COL4A4: variants seen among roughly 807,000 people sequenced by gnomAD.
The protein encoded by COL4A4 is collagen type IV alpha 4 chain.
A neutral mutation model predicts 192.9 loss-of-function variants in COL4A4; 105 were observed. The observed-to-expected ratio is 0.54, with a 90% CI of 0.46 to 0.64. The LOEUF (loss-of-function observed/expected upper bound fraction) is 0.64. Among genes scored for constraint, COL4A4 ranks in the 30% least tolerant of loss-of-function variants. The pLI, the probability that COL4A4 is intolerant of heterozygous loss-of-function variation, is 0.00. For missense variants in COL4A4, 1,967 were observed against 2,169.3 expected, an observed-to-expected ratio of 0.91 and a Z score of 1.85; for synonymous variants, 762 against 769.9, an observed-to-expected ratio of 0.99 and a Z score of 0.17.
intron 35 of COL4A4, among the ~76,000 whole-genome samples, chr2:227,045,821 T>C (rs1188276237): frequency 5.9e-5 from 3 of 51,240 alleles, no homozygotes; most frequent in South Asian, 8.4e-4. Context: ...TATATACACA[T>C]ATATATATAT....
chr2:227,133,023 G>A (rs953740153), intron 4 of COL4A4, among the ~76,000 whole-genome samples: 1 of 152,144 alleles, frequency 6.6e-6, no homozygotes, highest in African/African-American at 2.4e-5. Context: ...CCCCCAAACT[G>A]TGCCCTGCTT....
intron 37 of COL4A4, among the ~76,000 whole-genome samples, chr2:227,036,997 A>G (rs1440849009): frequency 6.6e-6 from 1 of 152,104 alleles, no homozygotes; most frequent in Non-Finnish European, 1.5e-5. Context: ...GGTTTTCATT[A>G]TTTCAATCTT....
chr2:227,092,833 GGTT>G, intron 20 of COL4A4, among the ~76,000 whole-genome samples: 1 of 152,144 alleles, frequency 6.6e-6, no homozygotes, highest in Non-Finnish European at 1.5e-5. Context: ...TCGGGTGAGG[GGTT>G]GGTGAAAGAA....
chr2:226,974,084 G>A, the COL4A4 span, among the ~76,000 whole-genome samples: 37 of 152,052 alleles, frequency 2.4e-4, no homozygotes, highest in Non-Finnish European at 4.7e-4. Context: ...TCTCACCTGC[G>A]ATTCCTTTTT....
intron 7 of COL4A4, among the ~76,000 whole-genome samples, chr2:227,117,049 A>G (rs1009608670): frequency 3.3e-5 from 5 of 152,228 alleles, no homozygotes; most frequent in African/African-American, 1.2e-4. Context: ...CAAAGTTTCT[A>G]ATGTTTTAAC....
intron 1 of COL4A4, among the ~76,000 whole-genome samples, chr2:227,163,566 C>T (rs1290515100): frequency 2.7e-4 from 41 of 152,232 alleles, no homozygotes; most frequent in Admixed American, 2.7e-3. Context: ...CAGGAAACGG[C>T]GAGAGCCGGC....
chr2:226,997,700 A>T, the COL4A4 span: 6 of 152,234 alleles, frequency 3.9e-5, no homozygotes, highest in Non-Finnish European at 8.8e-5. Context: ...ATACAAAGAC[A>T]CGGGATTAGA....
the COL4A4 span, among the ~76,000 whole-genome samples, chr2:226,990,987 C>T: frequency 6.6e-6 from 1 of 152,214 alleles, no homozygotes; most frequent in Non-Finnish European, 1.5e-5. Flanking sequence ...CACTCCAGCT[C>T]TGTCAGTCAC....
chr2:226,974,739 G>A, the COL4A4 span, among the ~76,000 whole-genome samples: 1 of 152,202 alleles, frequency 6.6e-6, no homozygotes, highest in Non-Finnish European at 1.5e-5. Flanking sequence ...GCACCCAAGA[G>A]CAGGGTGGAT....
chr2:227,108,101 C>T (rs765181829), intron 12 of COL4A4, among the ~76,000 whole-genome samples: 74 of 152,028 alleles, frequency 4.9e-4, no homozygotes, highest in Non-Finnish European at 1.9e-4. Flanking sequence ...TTTTACATGT[C>T]GGCCAAAAGG....
In COL4A4 at chr2:227,080,524, A is replaced by G. The variant is rs1415380548; in HGVS notation, c.1722T>C (p.Asp574=). ...VKGHKGERGP[D]GPPGFPGQPG... ...GCTGCCCTGGAAATCCTGGGGGCCC[A>G]TCAGGACCTCTTTCTCCTTTGTGCC... The change falls in exon 24 of 48, where the codon GAT becomes GAC. Residue 574 remains aspartate, a synonymous_variant. Coordinates refer to ENST00000396625, the MANE Select transcript of COL4A4 (RefSeq NM_000092.5). 9.3e-6 allele frequency: 15 copies of G among 1,614,018 alleles called. No homozygotes were observed. Among genetic ancestry groups the G allele is most frequent in the Non-Finnish European group, 1.1e-5 (13 of 1,180,028 alleles).
At chr2:227,149,170 A>G (rs1484946838) in intron 1 of COL4A4, among the ~76,000 whole-genome samples, 2 of 152,082 alleles carry the variant, frequency 1.3e-5, no homozygotes, top group Non-Finnish European at 2.9e-5. Context: ...TTAAACTTCT[A>G]GGTAAAAGCT....
At chr2:227,160,751 G>A (rs2064762470) in intron 1 of COL4A4, among the ~76,000 whole-genome samples, 1 of 152,156 alleles carries the variant, frequency 6.6e-6, no homozygotes, top group South Asian at 2.1e-4. Context: ...AAAGCCTGCA[G>A]GACAGAAAAC....
At position 227,088,830 on chromosome 2, in the gene COL4A4, C is replaced by T. The variant is rs746256589; in HGVS notation, c.1460-14G>A. On this transcript the variant is annotated splice_polypyrimidine_tract_variant and intron_variant, in intron 21 of 47. Coordinates refer to ENST00000396625, the MANE Select transcript of COL4A4 (RefSeq NM_000092.5). ...GTCCTTCATTTCCTAGACAGAGGAT[C>T]AATGGCAGATTTGTCATATTTCCTG... 4.3e-6 allele frequency: 7 copies of T among 1,613,828 alleles called. No homozygotes were observed. The Admixed American group carries it at 1.2e-4, about 27-fold the overall frequency.
chr2:227,093,451 T>C (rs2060041919), intron 20 of COL4A4, among the ~76,000 whole-genome samples: 1 of 152,172 alleles, frequency 6.6e-6, no homozygotes, highest in Non-Finnish European at 1.5e-5. Context: ...AAACCTAAGA[T>C]TGGCCTTTTG....
chr2:227,004,293 C>T lies in COL4A4; in HGVS notation c.*3032G>A, dbSNP rs1405705790. ...TCCCCCAGGGAATTCACCTCCCACG[C>T]AGGGTAAACTGACCCCAGGGAGGAC... On this transcript the variant is annotated 3_prime_UTR_variant, in exon 48 of 48. Transcript: ENST00000396625. 6.6e-6 allele frequency: 1 copy of T among 152,324 alleles called. No homozygotes were observed. Among genetic ancestry groups the T allele is most frequent in the African/African-American group, 2.4e-5 (1 of 41,454 alleles). The allele number at this position is 152,324 out of a possible 1,614,324, so 9.4% of individuals were successfully genotyped here.
intron 37 of COL4A4, among the ~76,000 whole-genome samples, chr2:227,041,489 A>G (rs964654286): frequency 6.6e-6 from 1 of 151,500 alleles, no homozygotes; most frequent in Non-Finnish European, 1.5e-5. Context: ...AAAAATACAA[A>G]AATTAGCCAG....
At chr2:227,111,302 A>C (rs1241839828) in intron 9 of COL4A4, among the ~76,000 whole-genome samples, 1 of 152,184 alleles carries the variant, frequency 6.6e-6, no homozygotes, top group East Asian at 1.9e-4. Context: ...GAAGCAATGC[A>C]AGATTATTCT....
At chr2:227,068,733 A>G (rs1328001644) in intron 25 of COL4A4, among the ~76,000 whole-genome samples, 2 of 150,908 alleles carry the variant, frequency 1.3e-5, no homozygotes, top group East Asian at 3.9e-4. Context: ...AATAAGAGCT[A>G]TCTATGACAA....
Sources: gnomAD v4.1 joint callset for allele counts (sites outside exome capture counted in the v4.1 genomes callset) on GRCh38, gnomAD v4.1.1 for gene constraint, MANE v1.5 for transcripts, NCBI Gene and HGNC (gene_info 2026-07-23, HGNC 2026-07-21) for gene names.